Variants in TRDN observed in about 807,000 individuals in gnomAD.
TRDN encodes triadin in skeletal muscle.
In TRDN, 161 loss-of-function variants were observed where a neutral mutation model predicts 149.7. The observed-to-expected ratio is 1.08, with a 90% CI of 0.95 to 1.23. The LOEUF is 1.23. Ranked by LOEUF, TRDN falls within the 50% of genes most tolerant of loss-of-function variation. TRDN has a pLI of 0.00. For synonymous variants in TRDN, 294 were observed against 250.5 expected (o/e 1.17, Z -1.64); for missense variants, 896 against 823.5 (o/e 1.09, Z -1.08).
intron 9 of TRDN, among the ~76,000 whole-genome samples, chr6:123,475,747 G>T (rs1354894950): frequency 1.5e-5 from 2 of 137,726 alleles, no homozygotes; most frequent in Non-Finnish European, 3.1e-5. Flanking sequence ...TGCAAGGCTG[G>T]TTCAATATAC....
At chr6:123,267,797 G>A (rs1049004127) in intron 31 of TRDN, 46 bp from the exon 32 acceptor site, 5 of 1,457,874 alleles carry the variant, frequency 3.4e-6, no homozygotes, top group Middle Eastern at 3.5e-4. Flanking sequence ...GGATTCTTTG[G>A]CAAATATTTC....
Position 123,269,843 on chromosome 6 carries a change from TCTTA to T in TRDN, c.1738+2_1738+5del. The T allele has an allele frequency of 1.2e-6, 2 of 1,610,636 alleles. No individual in the cohort carries two copies. The highest frequency in any genetic ancestry group is 1.7e-6 in the Non-Finnish European group (2 of 1,178,132). On this transcript the variant is annotated splice_donor_variant and splice_donor_5th_base_variant and intron_variant, in intron 31 of 40. Coordinates refer to ENST00000334268, the MANE Select transcript of TRDN (RefSeq NM_006073.4). LOFTEE classifies it high-confidence loss of function. ...TTTCTCAGGTGTTATTCTATTCATCTCTTACTTGTTGGTTTGGGCTTGGCTGTGG... is the reference window on the plus strand; with the variant it reads ...TTTCTCAGGTGTTATTCTATTCATCTCTTGTTGGTTTGGGCTTGGCTGTGG...
intron 12 of TRDN, among the ~76,000 whole-genome samples, chr6:123,418,229 A>G (rs1181069297): frequency 6.6e-6 from 1 of 152,142 alleles, no homozygotes; most frequent in Admixed American, 6.6e-5. Flanking sequence ...GTTGCCCTCC[A>G]GCAACTCAGT....
At chr6:123,373,478 C>T (rs1203363947) in intron 19 of TRDN, among the ~76,000 whole-genome samples, 1 of 152,128 alleles carries the variant, frequency 6.6e-6, no homozygotes, top group Non-Finnish European at 1.5e-5. Flanking sequence ...CTAATATATG[C>T]TCTATTCTGA....
intron 35 of TRDN, among the ~76,000 whole-genome samples, chr6:123,257,715 T>C (rs1022656659): frequency 3.3e-5 from 5 of 152,194 alleles, no homozygotes; most frequent in African/African-American, 1.2e-4. Context: ...AATTTATAAA[T>C]TACTTTAGGC....
Position 123,218,121 on chromosome 6 carries a change from A to G in TRDN, c.*480T>C, listed in dbSNP as rs1052932380. The G allele has an allele frequency of 6.6e-6, 1 of 152,024 alleles. No individual in the cohort carries two copies. The highest frequency in any genetic ancestry group is 2.4e-5 in the African/African-American group (1 of 41,414). The allele number at this position is 152,024 out of a possible 1,614,324, so 9.4% of individuals were successfully genotyped here. A position where few individuals can be genotyped will look rare whatever the true frequency, so the allele number is the denominator to read the frequency against. ...AGACAAAAATAAAATAAAATCATTA[A>G]GCATCAACTTATTGGGTAAATTAAG... On this transcript the variant is annotated 3_prime_UTR_variant, in exon 41 of 41. Transcript: ENST00000334268.
At chr6:123,479,461 A>G (rs1777646238) in intron 9 of TRDN, among the ~76,000 whole-genome samples, 1 of 152,226 alleles carries the variant, frequency 6.6e-6, no homozygotes, top group Non-Finnish European at 1.5e-5. Flanking sequence ...AAGTGGAAAG[A>G]CTATGTCAAT....
chr6:123,237,241 T>G (rs1393679751), intron 38 of TRDN, among the ~76,000 whole-genome samples: 3 of 152,094 alleles, frequency 2.0e-5, no homozygotes, highest in Non-Finnish European at 4.4e-5. Flanking sequence ...TGTATTAACT[T>G]TATACCCTAC....
At chr6:123,323,598 C>T (rs1221588485) in intron 23 of TRDN, among the ~76,000 whole-genome samples, 2 of 152,154 alleles carry the variant, frequency 1.3e-5, no homozygotes, top group African/African-American at 4.8e-5. Context: ...CCTGATTCTG[C>T]AATCCTTCCT....
intron 12 of TRDN, among the ~76,000 whole-genome samples, chr6:123,423,747 G>GT (rs778536687): frequency 8.6e-4 from 130 of 151,954 alleles, no homozygotes; most frequent in African/African-American, 2.0e-3. Flanking sequence ...ACCTTAATAT[G>GT]TTTTTTTGTC....
chr6:123,472,319 C>T (rs71365381), intron 9 of TRDN, among the ~76,000 whole-genome samples: 5 of 152,166 alleles, frequency 3.3e-5, no homozygotes, highest in Admixed American at 6.5e-5. Context: ...AAAGGGGTGA[C>T]GGACAGCACC....
rs896781276 is a variant in TRDN at position 123,437,243 on chromosome 6, G to T, written c.1051+820C>A. 4 of 224,662 alleles carry T rather than the reference G, an allele frequency of 1.8e-5. No individual in the cohort carries two copies. In the South Asian group the frequency reaches 2.0e-4, roughly 11 times the overall value. 13.9% of individuals were successfully genotyped at this position (224,662 alleles called of 1,614,324 possible). A position where few individuals can be genotyped will look rare whatever the true frequency, so the allele number is the denominator to read the frequency against. On this transcript the variant is annotated intron_variant, in intron 12 of 40. Coordinates refer to ENST00000334268, the MANE Select transcript of TRDN (RefSeq NM_006073.4). ...AGTTCATTGTATCTTGACCAAGGTG[G>T]TCCTCACCTTGATTAAACTTTAATA...
intron 38 of TRDN, among the ~76,000 whole-genome samples, chr6:123,243,841 A>G (rs1776077912): frequency 6.6e-6 from 1 of 152,260 alleles, no homozygotes; most frequent in African/African-American, 2.4e-5. Context: ...TGAAATTATC[A>G]ATGTCCCCAG....
chr6:123,321,040 A>G (rs535247751), intron 23 of TRDN, among the ~76,000 whole-genome samples: 1 of 152,276 alleles, frequency 6.6e-6, no homozygotes, highest in Non-Finnish European at 1.5e-5. Flanking sequence ...AAGGAACATT[A>G]GCAGTGTTAT....
chr6:123,596,614 C>T (rs193087301), intron 1 of TRDN, among the ~76,000 whole-genome samples: 1 of 152,162 alleles, frequency 6.6e-6, no homozygotes, highest in East Asian at 1.9e-4. Context: ...TCATTAGGAG[C>T]TAATGCAGCT....
chr6:123,501,030 T>G (rs1293236596), intron 8 of TRDN, among the ~76,000 whole-genome samples: 1 of 151,866 alleles, frequency 6.6e-6, no homozygotes, highest in Admixed American at 6.6e-5. Flanking sequence ...CAGATTTAGA[T>G]GGGTTCATAA....
chr6:123,421,676 GGAATATTT>G (rs1396176161), intron 12 of TRDN: 1 of 152,054 alleles, frequency 6.6e-6, no homozygotes, highest in Non-Finnish European at 1.5e-5. Flanking sequence ...TTGCAGATCA[GGAATATTT>G]GGGGCCAGGT....
intron 37 of TRDN, 46 bp from the exon 38 acceptor site, chr6:123,252,481 C>G: frequency 9.3e-7 from 1 of 1,080,724 alleles, no homozygotes; most frequent in Non-Finnish European, 1.3e-6. Context: ...AGATAAAATG[C>G]AAGGAAATTA....
intron 32 of TRDN, among the ~76,000 whole-genome samples, chr6:123,266,660 AATATGTATATATTATAATAT>A (rs1281496190): frequency 7.3e-5 from 1 of 13,744 alleles, no homozygotes; most frequent in Non-Finnish European, 1.2e-4. Context: ...TAATATGTAT[AATATGTATATATTATAATAT>A]ATATGTAATA....
Sources: allele counts gnomAD v4.1 joint callset (sites outside exome capture counted in the v4.1 genomes callset), GRCh38; gene constraint gnomAD v4.1.1; transcripts MANE v1.5; gene names NCBI Gene and HGNC (gene_info 2026-07-23, HGNC 2026-07-21).